MAPK14: variants seen among roughly 807,000 people sequenced by gnomAD.
MAPK14 encodes CSAID-binding protein.
MAPK14 carries 16 observed loss-of-function variants against 49.6 expected under a neutral mutation model. The ratio of observed to expected loss-of-function variants is 0.32; its 90% CI spans 0.22 to 0.49. The LOEUF is 0.49. Among genes scored for constraint, MAPK14 ranks in the 20% least tolerant of loss-of-function variants. MAPK14 has a pLI of 0.99. For synonymous variants in MAPK14, 142 were observed against 158.0 expected, an observed-to-expected ratio of 0.90 and a Z score of 0.76; for missense variants, 200 against 441.2, an observed-to-expected ratio of 0.45 and a Z score of 4.90.
At chr6:36,096,290 A>C in intron 9 of MAPK14, 1 of 446,070 alleles carries the variant, frequency 2.2e-6, no homozygotes. Flanking sequence ...GGTACACACT[A>C]AGATCACGGG....
At chr6:36,041,443 A>G (rs1762958319) in intron 1 of MAPK14, among the ~76,000 whole-genome samples, 1 of 151,962 alleles carries the variant, frequency 6.6e-6, no homozygotes, top group Admixed American at 6.6e-5. Context: ...TATCCTTCCA[A>G]ATTTGTACTT....
At chr6:36,056,775 A>G (rs1763605725) in intron 2 of MAPK14, among the ~76,000 whole-genome samples, 1 of 152,212 alleles carries the variant, frequency 6.6e-6, no homozygotes, top group South Asian at 2.1e-4. Context: ...TTTTGAGGAG[A>G]TGGGCATCTC....
intron 1 of MAPK14, among the ~76,000 whole-genome samples, chr6:36,047,550 G>T (rs927227290): frequency 6.6e-6 from 1 of 152,124 alleles, no homozygotes; most frequent in African/African-American, 2.4e-5. Context: ...GATCTAATTT[G>T]TACTTTTATT....
chr6:36,082,147 A>G (rs529059701), intron 8 of MAPK14, among the ~76,000 whole-genome samples: 1 of 152,186 alleles, frequency 6.6e-6, no homozygotes, highest in African/African-American at 2.4e-5. Flanking sequence ...TTTTCTATGT[A>G]TAGGGTTATG....
chr6:36,029,896 TA>T (rs1762470307), intron 1 of MAPK14, among the ~76,000 whole-genome samples: 2 of 115,498 alleles, frequency 1.7e-5, no homozygotes, highest in African/African-American at 8.2e-5. Context: ...ACATATTATA[TA>T]GGTATATACA....
At chr6:36,064,529 A>G (rs569134657) in intron 3 of MAPK14, among the ~76,000 whole-genome samples, 1 of 152,300 alleles carries the variant, frequency 6.6e-6, no homozygotes, top group East Asian at 1.9e-4. Flanking sequence ...CTACCATGAT[A>G]GAAGGGAAGA....
chr6:36,043,241 A>G (rs891245666), intron 1 of MAPK14, among the ~76,000 whole-genome samples: 1 of 152,250 alleles, frequency 6.6e-6, no homozygotes, highest in African/African-American at 2.4e-5. Context: ...AAAACAAGAT[A>G]TTTGAGAGTT....
At chr6:36,076,669 A>T in intron 8 of MAPK14, 61 bp downstream of exon 8, 3 of 1,281,632 alleles carry the variant, frequency 2.3e-6, no homozygotes, top group Non-Finnish European at 3.4e-6. Flanking sequence ...CCATGGGTGT[A>T]TACTCCTTTT....
chr6:36,082,187 T>G (rs1764793544), intron 8 of MAPK14, among the ~76,000 whole-genome samples: 1 of 152,230 alleles, frequency 6.6e-6, no homozygotes, highest in African/African-American at 2.4e-5. Context: ...GTTTTATTTC[T>G]TCCTTTCCAA....
chr6:36,032,746 T>C (rs1469602798), intron 1 of MAPK14, among the ~76,000 whole-genome samples: 1 of 152,230 alleles, frequency 6.6e-6, no homozygotes, highest in East Asian at 1.9e-4. Context: ...ACTTACAGCC[T>C]AGTGGGTTTA....
chr6:36,050,679 G>A (rs754069787), intron 1 of MAPK14, among the ~76,000 whole-genome samples: 2 of 152,192 alleles, frequency 1.3e-5, no homozygotes, highest in Non-Finnish European at 2.9e-5. Context: ...TATCAGGGTT[G>A]TGAGCAGGAG....
At position 36,110,078 on chromosome 6, in the gene MAPK14, T is replaced by C. The variant is rs912430922; in HGVS notation, c.*1631T>C. 3.9e-5 allele frequency: 6 copies of C among 152,218 alleles called. No individual in the cohort carries two copies. The highest frequency in any genetic ancestry group is 1.4e-4 in the African/African-American group (6 of 41,444). The allele number at this position is 152,218 out of a possible 1,614,324, so 9.4% of individuals were successfully genotyped here. Reference sequence around the variant, plus strand: ...TATCCTCAGGGGTGGAGAAGTGTCGTTTTCATAACTTGCTGAATTTCAGGC... The same window carrying C: ...TATCCTCAGGGGTGGAGAAGTGTCGCTTTCATAACTTGCTGAATTTCAGGC... On this transcript the variant is annotated 3_prime_UTR_variant, in exon 12 of 12. Transcript: ENST00000229794.
chr6:36,071,741 C>T (rs1764282587), intron 3 of MAPK14, among the ~76,000 whole-genome samples: 1 of 152,228 alleles, frequency 6.6e-6, no homozygotes, highest in Non-Finnish European at 1.5e-5. Context: ...TTTAAAACTA[C>T]AAGATACTTA....
intron 9 of MAPK14, chr6:36,097,214 T>C (rs1041308003): frequency 6.6e-6 from 1 of 152,260 alleles, no homozygotes; most frequent in African/African-American, 2.4e-5. Flanking sequence ...CATTTACTTA[T>C]TTAAGATAAA....
intron 1 of MAPK14, among the ~76,000 whole-genome samples, chr6:36,043,053 A>G (rs1763027223): frequency 6.6e-6 from 1 of 151,932 alleles, no homozygotes; most frequent in Admixed American, 6.6e-5. Flanking sequence ...GGGCCTGGGA[A>G]GTCAAAGCTG....
chr6:36,030,724 C>T (rs1762509691), intron 1 of MAPK14, among the ~76,000 whole-genome samples: 1 of 150,730 alleles, frequency 6.6e-6, no homozygotes, highest in Non-Finnish European at 1.5e-5. Flanking sequence ...TGAAAAGTCT[C>T]CTTTCCTTTT....
intron 8 of MAPK14, among the ~76,000 whole-genome samples, chr6:36,094,162 A>G (rs1001284847): frequency 1.3e-5 from 2 of 152,236 alleles, no homozygotes; most frequent in Admixed American, 6.5e-5. Flanking sequence ...CTTAACCTTT[A>G]TAACACAATG....
chr6:36,098,478 C>T (rs1364695499), intron 9 of MAPK14, among the ~76,000 whole-genome samples: 1 of 152,098 alleles, frequency 6.6e-6, no homozygotes, highest in Non-Finnish European at 1.5e-5. Flanking sequence ...TTTGAGGCTG[C>T]AGGGAGTGGT....
At chr6:36,083,207 C>A (rs1221406698) in intron 8 of MAPK14, among the ~76,000 whole-genome samples, 1 of 152,210 alleles carries the variant, frequency 6.6e-6, no homozygotes, top group East Asian at 1.9e-4. Context: ...TGAGGAAAAG[C>A]AGGGTGGAGC....
Sources: gnomAD v4.1 joint callset for allele counts (sites outside exome capture counted in the v4.1 genomes callset) on GRCh38, gnomAD v4.1.1 for gene constraint, MANE v1.5 for transcripts, NCBI Gene and HGNC (gene_info 2026-07-23, HGNC 2026-07-21) for gene names.